The following CTDSPL2 variants were observed in gnomAD, a reference collection of about 807,000 sequenced individuals.
The protein encoded by CTDSPL2 is CTD small phosphatase like 2.
A neutral mutation model predicts 60.0 loss-of-function variants in CTDSPL2; 5 were observed. The ratio of observed to expected loss-of-function variants is 0.08; its 90% CI spans 0.04 to 0.18. The LOEUF (loss-of-function observed/expected upper bound fraction) is 0.18, where lower values mean the gene tolerates loss of function less well. CTDSPL2 is among the 10% of genes least tolerant of loss of function. The pLI is 1.00. For synonymous variants in CTDSPL2, 186 were observed against 189.3 expected, an observed-to-expected ratio of 0.98 and a Z score of 0.14; for missense variants, 370 against 548.8, an observed-to-expected ratio of 0.67 and a Z score of 3.26.
chr15:44,515,107 G>A (rs2555353), intron 10 of CTDSPL2, among the ~76,000 whole-genome samples: 15,063 of 152,080 alleles, frequency 0.099, 1,537 homozygotes, highest in African/African-American at 0.24. Context: ...TGGGGAAGAC[G>A]GGGGTTGGGG....
chr15:44,445,785 C>T (rs2080199368), intron 1 of CTDSPL2, among the ~76,000 whole-genome samples: 1 of 151,412 alleles, frequency 6.6e-6, no homozygotes, highest in Non-Finnish European at 1.5e-5. Context: ...TTACAGGCGC[C>T]CACCACCATG....
intron 1 of CTDSPL2, among the ~76,000 whole-genome samples, chr15:44,450,554 G>A: frequency 6.7e-6 from 1 of 149,288 alleles, no homozygotes; most frequent in East Asian, 2.0e-4. Flanking sequence ...TCTGTATATT[G>A]GAATATGACA....
rs2081902536 is a variant in CTDSPL2 at position 44,528,315 on chromosome 15, G to C, written c.*4141G>C. 2 of 151,410 alleles carry C rather than the reference G, an allele frequency of 1.3e-5. No homozygotes were observed. The highest frequency in any genetic ancestry group is 1.3e-4 in the Admixed American group (2 of 15,182). The allele number at this position is 151,410 out of a possible 1,614,324, so 9.4% of individuals were successfully genotyped here. A position where few individuals can be genotyped will look rare whatever the true frequency, so the allele number is the denominator to read the frequency against. ...CTGGAAAATTGTCTCGCTGGATCTC[G>C]AGAGGGGCCTGAGAGTTCTGGCTTT... On this transcript the variant is annotated 3_prime_UTR_variant, in exon 13 of 13. Transcript: ENST00000260327.
chr15:44,474,030 G>C (rs1252694850), intron 2 of CTDSPL2, among the ~76,000 whole-genome samples: 1 of 152,080 alleles, frequency 6.6e-6, no homozygotes, highest in East Asian at 1.9e-4. Context: ...GTTTCGCCGT[G>C]TTGCCCAGGC....
chr15:44,449,345 C>G (rs951982147), intron 1 of CTDSPL2: 1 of 159,482 alleles, frequency 6.3e-6, no homozygotes, highest in Non-Finnish European at 1.4e-5. Context: ...CCCTGACTTT[C>G]CTTCAGTGCC....
chr15:44,492,248 A>G (rs1172511743), intron 5 of CTDSPL2, among the ~76,000 whole-genome samples: 2 of 152,090 alleles, frequency 1.3e-5, no homozygotes, highest in East Asian at 3.9e-4. Flanking sequence ...AAGTGGGAGG[A>G]TTGCTTGAGC....
At chr15:44,450,711 C>T (rs917271468) in intron 1 of CTDSPL2, among the ~76,000 whole-genome samples, 1 of 149,800 alleles carries the variant, frequency 6.7e-6, no homozygotes, top group Non-Finnish European at 1.5e-5. Flanking sequence ...ATTCTCCTGC[C>T]TCAGCCTCCA....
chr15:44,484,186 T>C (rs746803495), intron 2 of CTDSPL2, 38 bp from the exon 3 acceptor site: 1 of 1,549,692 alleles, frequency 6.5e-7, no homozygotes. Flanking sequence ...GGCAGAATGA[T>C]TGTGCTTAGT....
intron 2 of CTDSPL2, among the ~76,000 whole-genome samples, chr15:44,469,062 T>C (rs568094514): frequency 1.4e-4 from 22 of 152,350 alleles, no homozygotes; most frequent in Non-Finnish European, 3.1e-4. Flanking sequence ...CTAGTGATGC[T>C]GATAATTGTT....
rs368716711 is a variant in CTDSPL2, at chr15:44,439,992, A to T, written c.-25+12220A>T. Among the ~76,000 whole-genome samples, 15 of 152,208 alleles carry T rather than the reference A, an allele frequency of 9.9e-5. No individual in the cohort carries two copies. In the East Asian group the frequency reaches 2.1e-3, roughly 22 times the overall value. On this transcript the variant is annotated intron_variant, in intron 1 of 12. Coordinates refer to ENST00000260327, the MANE Select transcript of CTDSPL2 (RefSeq NM_016396.3). ...TGTTTCTTTTTAGATGATTGGTAGGATTCTCCAGTGAAGCCATTTGGGCCT... is the reference window on the plus strand; with the variant it reads ...TGTTTCTTTTTAGATGATTGGTAGGTTTCTCCAGTGAAGCCATTTGGGCCT...
chr15:44,469,763 T>A (rs2080767063), intron 2 of CTDSPL2, among the ~76,000 whole-genome samples: 1 of 152,164 alleles, frequency 6.6e-6, no homozygotes, highest in African/African-American at 2.4e-5. Flanking sequence ...TTCTATATCT[T>A]CTTTTAAAGT....
intron 5 of CTDSPL2, among the ~76,000 whole-genome samples, chr15:44,491,609 G>C (rs1309977733): frequency 6.6e-6 from 1 of 152,194 alleles, no homozygotes; most frequent in Non-Finnish European, 1.5e-5. Flanking sequence ...ATTCTTAAAA[G>C]CAGAAATAAA....
At chr15:44,432,451 C>G (rs1232264454) in intron 1 of CTDSPL2, among the ~76,000 whole-genome samples, 2 of 150,646 alleles carry the variant, frequency 1.3e-5, no homozygotes, top group Admixed American at 6.6e-5. Flanking sequence ...TCCCAGGTAG[C>G]TAGGATTATA....
chr15:44,495,041 G>A (rs898383224), intron 5 of CTDSPL2, among the ~76,000 whole-genome samples: 1 of 152,074 alleles, frequency 6.6e-6, no homozygotes, highest in Non-Finnish European at 1.5e-5. Flanking sequence ...ACACAATCTC[G>A]GCTCACTGCA....
At chr15:44,503,020 TA>T (rs567676631) in intron 8 of CTDSPL2, among the ~76,000 whole-genome samples, 19 of 151,358 alleles carry the variant, frequency 1.3e-4, no homozygotes, top group South Asian at 2.1e-4. Flanking sequence ...TCTAGGGGAT[TA>T]AAAAAAAACC....
intron 6 of CTDSPL2, 32 bp from the exon 7 acceptor site, chr15:44,496,995 A>G (rs757852502): frequency 7.6e-7 from 1 of 1,311,718 alleles, no homozygotes; most frequent in Non-Finnish European, 1.1e-6. Context: ...AAAAAGTAAA[A>G]TGTTGAAATT....
At chr15:44,466,180 A>C (rs933401292) in intron 2 of CTDSPL2, among the ~76,000 whole-genome samples, 1 of 149,982 alleles carries the variant, frequency 6.7e-6, no homozygotes, top group Non-Finnish European at 1.5e-5. Flanking sequence ...CAGATGATCC[A>C]CCCGCCTCAG....
chr15:44,463,249 C>G (rs773687628), intron 2 of CTDSPL2, among the ~76,000 whole-genome samples: 1 of 152,148 alleles, frequency 6.6e-6, no homozygotes, highest in Non-Finnish European at 1.5e-5. Flanking sequence ...TCAAGTGATT[C>G]TCCTGCCTCA....
At chr15:44,478,087 G>A (rs2080954789) in intron 2 of CTDSPL2, among the ~76,000 whole-genome samples, 1 of 152,026 alleles carries the variant, frequency 6.6e-6, no homozygotes, top group South Asian at 2.1e-4. Flanking sequence ...TGTTTGATGT[G>A]CTTGATGTTT....
Sources: gnomAD v4.1 joint callset for allele counts (sites outside exome capture counted in the v4.1 genomes callset) on GRCh38, gnomAD v4.1.1 for gene constraint, MANE v1.5 for transcripts, NCBI Gene and HGNC (gene_info 2026-07-23, HGNC 2026-07-21) for gene names.